Variants in ERBB4 observed in about 807,000 individuals in gnomAD.
ERBB4 encodes the protein erb-b2 receptor tyrosine kinase 4, also known as receptor tyrosine-protein kinase erbB-4.
A neutral mutation model predicts 158.0 loss-of-function variants in ERBB4; 42 were observed. The ratio of observed to expected loss-of-function variants is 0.27; its 90% confidence interval spans 0.21 to 0.34. ERBB4 has a LOEUF of 0.34. Ranked by LOEUF, ERBB4 falls within the 10% of genes least tolerant of loss-of-function variation. The pLI is 1.00. For missense variants in ERBB4, 1,333 were observed against 1,624.1 expected, an observed-to-expected ratio of 0.82 and a Z score of 3.08; for synonymous variants, 583 against 558.7, an observed-to-expected ratio of 1.04 and a Z score of -0.61.
chr2:211,465,835 C>T (rs757618039), intron 20 of ERBB4, among the ~76,000 whole-genome samples: 49 of 152,102 alleles, frequency 3.2e-4, no homozygotes, highest in Non-Finnish European at 1.0e-4. Context: ...ATGATTAGGA[C>T]TTCCAAATGG....
intron 1 of ERBB4, among the ~76,000 whole-genome samples, chr2:212,208,188 G>T (rs911945907): frequency 6.6e-6 from 1 of 152,108 alleles, no homozygotes; most frequent in Non-Finnish European, 1.5e-5. Flanking sequence ...GCTTGTTTGT[G>T]CCAGGAGTAT....
chr2:212,317,832 T>C (rs1013086617), intron 1 of ERBB4, among the ~76,000 whole-genome samples: 11 of 53,570 alleles, frequency 2.1e-4, no homozygotes, highest in East Asian at 9.9e-4. Flanking sequence ...CTGTCTACAA[T>C]GAAAAAAAAT....
At chr2:212,230,369 T>C (rs1048238593) in intron 1 of ERBB4, among the ~76,000 whole-genome samples, 1 of 152,192 alleles carries the variant, frequency 6.6e-6, no homozygotes, top group Non-Finnish European at 1.5e-5. Flanking sequence ...CATAATAAAA[T>C]ATGCTACTAT....
At chr2:212,514,953 T>C (rs1303754338) in intron 1 of ERBB4, among the ~76,000 whole-genome samples, 3 of 152,192 alleles carry the variant, frequency 2.0e-5, no homozygotes, top group Non-Finnish European at 4.4e-5. Context: ...ATTAACAGCT[T>C]CTTGTATGAG....
chr2:211,900,516 A>C (rs2079207934), intron 3 of ERBB4, among the ~76,000 whole-genome samples: 1 of 152,136 alleles, frequency 6.6e-6, no homozygotes, highest in Admixed American at 6.6e-5. Context: ...AATTTGAAAG[A>C]ATGATGTCAA....
At chr2:211,878,017 A>G (rs530502326) in intron 3 of ERBB4, among the ~76,000 whole-genome samples, 16 of 152,324 alleles carry the variant, frequency 1.1e-4, no homozygotes, top group African/African-American at 3.6e-4. Context: ...CTGAGGAAGC[A>G]GAATATCTTG....
intron 20 of ERBB4, among the ~76,000 whole-genome samples, chr2:211,551,324 T>C (rs1180035120): frequency 1.3e-5 from 2 of 152,198 alleles, no homozygotes; most frequent in Non-Finnish European, 2.9e-5. Context: ...TGATAAATAA[T>C]AAGCTATCAT....
At chr2:211,852,903 C>G (rs924518772) in intron 3 of ERBB4, among the ~76,000 whole-genome samples, 1 of 151,996 alleles carries the variant, frequency 6.6e-6, no homozygotes, top group African/African-American at 2.4e-5. Flanking sequence ...TACAGGTATG[C>G]TCTATTAGAA....
chr2:211,751,592 G>A (rs1028606059), intron 4 of ERBB4, among the ~76,000 whole-genome samples: 5 of 152,080 alleles, frequency 3.3e-5, no homozygotes, highest in Admixed American at 6.5e-5. Context: ...ATTAAACATT[G>A]TCAATTGTTT....
intron 3 of ERBB4, among the ~76,000 whole-genome samples, chr2:211,791,802 A>G (rs1162645074): frequency 6.6e-6 from 1 of 151,890 alleles, no homozygotes; most frequent in African/African-American, 2.4e-5. Flanking sequence ...TTCATTGCTG[A>G]AAATTTCCAG....
chr2:211,795,568 T>C (rs1016277861), intron 3 of ERBB4, among the ~76,000 whole-genome samples: 2 of 148,400 alleles, frequency 1.3e-5, no homozygotes, highest in South Asian at 2.1e-4. Flanking sequence ...AAGGCTATTA[T>C]ATAAAAATCC....
chr2:211,622,991 ATATATATATATATATAT>A (rs1227601165), intron 18 of ERBB4, among the ~76,000 whole-genome samples: 21 of 6,424 alleles, frequency 3.3e-3, no homozygotes, highest in Non-Finnish European at 4.5e-3. Flanking sequence ...AAAAAAAAAA[ATATATATATATATATAT>A]ATATATATAT....
chr2:212,170,891 G>A (rs1392433260), intron 1 of ERBB4, among the ~76,000 whole-genome samples: 1 of 152,176 alleles, frequency 6.6e-6, no homozygotes, highest in Non-Finnish European at 1.5e-5. Context: ...CAGTGTGAAA[G>A]GGAAATGTGA....
At chr2:212,260,531 C>A (rs941576625) in intron 1 of ERBB4, among the ~76,000 whole-genome samples, 1 of 152,062 alleles carries the variant, frequency 6.6e-6, no homozygotes, top group African/African-American at 2.4e-5. Flanking sequence ...AGAAAGTAGG[C>A]CCTCTGCGCA....
rs71054188 is a variant in ERBB4 at position 212,240,637 on chromosome 2, CAAAAAAAA to C, written c.83-115742_83-115735del. Among the ~76,000 whole-genome samples, 338 of 35,766 alleles carry C rather than the reference CAAAAAAAA, an allele frequency of 9.5e-3. 2 individuals are homozygous for C. Among genetic ancestry groups the C allele is most frequent in the African/African-American group, 0.033 (303 of 9,304 alleles). The allele number at this position is 35,766 out of a possible 152,430, so 23.5% of individuals were successfully genotyped here. A position where few individuals can be genotyped will look rare whatever the true frequency, so the allele number is the denominator to read the frequency against. On this transcript the variant is annotated intron_variant, in intron 1 of 27. Coordinates refer to ENST00000342788, the MANE Select transcript of ERBB4 (RefSeq NM_005235.3). ...TGGGCAACAGAGCGACACTCTGGCT[CAAAAAAAA>C]AAAAAAAAAAAAAAAAAAAAAACAG...
At chr2:212,118,999 T>C (rs2079658254) in intron 2 of ERBB4, among the ~76,000 whole-genome samples, 1 of 151,984 alleles carries the variant, frequency 6.6e-6, no homozygotes, top group South Asian at 2.1e-4. Context: ...ATTACTTTAT[T>C]TTTATTCATT....
At chr2:212,496,841 C>T (rs1690601827) in intron 1 of ERBB4, among the ~76,000 whole-genome samples, 1 of 152,058 alleles carries the variant, frequency 6.6e-6, no homozygotes, top group Admixed American at 6.6e-5. Flanking sequence ...ATTTTCTCTT[C>T]TGTTTCTTGG....
chr2:212,457,717 T>G (rs2106052786), intron 1 of ERBB4, among the ~76,000 whole-genome samples: 1 of 152,190 alleles, frequency 6.6e-6, no homozygotes, highest in South Asian at 2.1e-4. Flanking sequence ...CTAGAACCAT[T>G]TGAAAGGATG....
Position 211,725,191 on chromosome 2 carries a change from G to T in ERBB4, c.626C>A (p.Thr209Lys), listed in dbSNP as rs1254941377. Residue 209 changes from threonine to lysine, a missense_variant, in exon 6 of 28, where the codon ACA (threonine) becomes AAA (lysine). By Grantham distance (78) the Thr-to-Lys change is moderately conservative. Around this residue, in one of 5 missense-constraint regions of ERBB4, gnomAD observed 438 missense variants for 586.9 expected, o/e 0.75. Transcript: ENST00000342788. ...ACATTGTTCTGCACACACCGTCCTT[G>T]TCACTGCAGAAGACAGAGATAGGAC... ...GPTENHCQTL[T>K]RTVCAEQCDG... 1 of 1,611,280 alleles carries T rather than the reference G, an allele frequency of 6.2e-7. No individual in the cohort carries two copies. Among genetic ancestry groups the T allele is most frequent in the Non-Finnish European group, 8.5e-7 (1 of 1,177,498 alleles).
Sources: gnomAD v4.1 joint callset for allele counts (sites outside exome capture counted in the v4.1 genomes callset) on GRCh38, gnomAD v4.1.1 for gene constraint, gnomAD v4.1.1 regional missense constraint, MANE v1.5 for transcripts, NCBI Gene and HGNC (gene_info 2026-07-23, HGNC 2026-07-21) for gene names.